The following ROBO2 variants were observed in gnomAD, a reference collection of about 807,000 sequenced individuals.
The protein encoded by ROBO2 is roundabout homolog 2.
In ROBO2, 53 loss-of-function variants were observed where a neutral mutation model predicts 160.8. That is an observed-to-expected ratio of 0.33 (90% confidence interval 0.26 to 0.41). The LOEUF (loss-of-function observed/expected upper bound fraction) is 0.41. ROBO2 is among the 10% of genes least tolerant of loss of function. ROBO2 has a pLI of 1.00. For synonymous variants in ROBO2, 664 were observed against 611.7 expected (o/e 1.09, Z -1.26); for missense variants, 1,577 against 1,722.4 (o/e 0.92, Z 1.49).
At chr3:77,093,126 GT>G (rs1356257781) in intron 1 of ROBO2, among the ~76,000 whole-genome samples, 1 of 151,984 alleles carries the variant, frequency 6.6e-6, no homozygotes, top group African/African-American at 2.4e-5. Flanking sequence ...GATGTGAGCA[GT>G]GCTTATCAAA....
intron 2 of ROBO2, among the ~76,000 whole-genome samples, chr3:76,610,699 G>A (rs993908486): frequency 7.3e-5 from 11 of 150,812 alleles, no homozygotes; most frequent in South Asian, 4.2e-4. Context: ...CAGTGAGCAG[G>A]AGCATGTCAC....
At chr3:77,126,596 G>A (rs573052779) in intron 2 of ROBO2, among the ~76,000 whole-genome samples, 18 of 151,658 alleles carry the variant, frequency 1.2e-4, no homozygotes, top group African/African-American at 4.1e-4. Flanking sequence ...TCATTTGTAC[G>A]TTGTCCAATA....
chr3:77,551,986 G>A (rs1370327551), intron 8 of ROBO2, among the ~76,000 whole-genome samples: 2 of 151,992 alleles, frequency 1.3e-5, no homozygotes, highest in Admixed American at 6.6e-5. Context: ...CAGGGACATT[G>A]AGTCGTTAAT....
chr3:77,086,178 A>AG (rs34997964), intron 1 of ROBO2, among the ~76,000 whole-genome samples: 1 of 152,054 alleles, frequency 6.6e-6, no homozygotes, highest in Non-Finnish European at 1.5e-5. Flanking sequence ...CATTGTTTTT[A>AG]GGGGGGTTAC....
At chr3:76,726,235 G>A (rs1321155969) in intron 2 of ROBO2, among the ~76,000 whole-genome samples, 2 of 152,046 alleles carry the variant, frequency 1.3e-5, no homozygotes, top group Non-Finnish European at 2.9e-5. Context: ...CATCTTTGAA[G>A]GCTGTCATAC....
At position 77,295,621 on chromosome 3, in the gene ROBO2, T is replaced by C. The variant is rs1285649134; in HGVS notation, c.389-181793T>C. On this transcript the variant is annotated intron_variant, in intron 2 of 25. Coordinates refer to ENST00000461745, the Ensembl canonical transcript of ROBO2. ...AGATCACCCCACACATAAAGTAAAA[T>C]TGACGGTTAAACGGGTAAGCTGAGG... 2.1e-4 allele frequency among the ~76,000 whole-genome samples: 18 copies of C among 87,116 alleles called. 1 individual carries two copies. The highest frequency in any genetic ancestry group is 6.2e-4 in the African/African-American group (17 of 27,528). The allele number at this position is 87,116 out of a possible 152,430, so 57.2% of individuals were successfully genotyped here. A position where few individuals can be genotyped will look rare whatever the true frequency, so the allele number is the denominator to read the frequency against.
intron 2 of ROBO2, among the ~76,000 whole-genome samples, chr3:77,444,854 T>C (rs2080304323): frequency 6.6e-6 from 1 of 152,218 alleles, no homozygotes. Context: ...AGTTAGGAGT[T>C]GTCAGCAGAC....
intron 2 of ROBO2, among the ~76,000 whole-genome samples, chr3:76,193,814 CT>C (rs1014822405): frequency 1.3e-5 from 2 of 151,978 alleles, no homozygotes; most frequent in African/African-American, 4.8e-5. Flanking sequence ...CATGTGACCT[CT>C]TTTTTTTCTT....
chr3:77,371,779 G>A (rs954686581), intron 2 of ROBO2, among the ~76,000 whole-genome samples: 7 of 152,152 alleles, frequency 4.6e-5, no homozygotes, highest in Admixed American at 4.6e-4. Flanking sequence ...GGGCCATTTG[G>A]GTCATGATTT....
rs142448714 is a variant in ROBO2, at chr3:76,554,320, A to G, written c.110-543694A>G. 6.9e-3 allele frequency among the ~76,000 whole-genome samples: 1,049 copies of G among 152,314 alleles called. 12 individuals carry two copies. The highest frequency in any genetic ancestry group is 0.011 in the Non-Finnish European group (725 of 68,014). ...GTCAGGGAGAACACTGTTAACAGTA[A>G]TTATCTCCAGGAGTAGATATGAGGA... On this transcript the variant is annotated intron_variant, in intron 2 of 26. Transcript: ENST00000487694.
In ROBO2 at chr3:76,273,679, AACTC is replaced by A. The variant is rs369722118; in HGVS notation, c.109+336084_109+336087del. Among the ~76,000 whole-genome samples, 10 of 152,214 alleles carry A rather than the reference AACTC, an allele frequency of 6.6e-5. No homozygotes were observed. The South Asian group carries it at 2.1e-3, about 32-fold the overall frequency. ...ATGAGAACTCACTCATCATCATGAGAACTCACTCACCATCATGAGAACTCACTCA... is the reference window on the plus strand; with the variant it reads ...ATGAGAACTCACTCATCATCATGAGAACTCACCATCATGAGAACTCACTCA... On this transcript the variant is annotated intron_variant, in intron 2 of 26. Coordinates refer to the ROBO2 transcript ENST00000487694.
intron 2 of ROBO2, among the ~76,000 whole-genome samples, chr3:77,379,104 C>T (rs542890978): frequency 7.2e-5 from 11 of 152,078 alleles, no homozygotes; most frequent in Admixed American, 2.6e-4. Flanking sequence ...CATGCCACCA[C>T]GCCCAGCTAA....
Position 76,816,362 on chromosome 3 carries a change from C to T in ROBO2, c.110-281652C>T, listed in dbSNP as rs372636528. Reference sequence around the variant, plus strand: ...GCGAATGTACATGACAAATTGTTAGCGCCATGCGGTATTCGATAGGAAGAG... The same window carrying T: ...GCGAATGTACATGACAAATTGTTAGTGCCATGCGGTATTCGATAGGAAGAG... On this transcript the variant is annotated intron_variant, in intron 2 of 26. Transcript: ENST00000487694. Among the ~76,000 whole-genome samples the T allele has an allele frequency of 3.1e-4, 47 of 152,052 alleles. No homozygotes were observed. In the East Asian group the frequency reaches 7.6e-3, roughly 24 times the overall value.
intron 6 of ROBO2, among the ~76,000 whole-genome samples, chr3:77,537,581 A>AT (rs2092205051): frequency 6.6e-6 from 1 of 152,032 alleles, no homozygotes; most frequent in African/African-American, 2.4e-5. Flanking sequence ...TTTCCTTTTC[A>AT]TTTTGACATT....
chr3:77,057,923 TG>T (rs1466746310), intron 1 of ROBO2, among the ~76,000 whole-genome samples: 1 of 152,058 alleles, frequency 6.6e-6, no homozygotes, highest in Non-Finnish European at 1.5e-5. Flanking sequence ...CAAACCACCA[TG>T]ACACATGTAT....
intron 2 of ROBO2, among the ~76,000 whole-genome samples, chr3:76,872,112 C>T (rs954942770): frequency 6.6e-6 from 1 of 151,914 alleles, no homozygotes; most frequent in Admixed American, 6.6e-5. Flanking sequence ...CAAAGATGAT[C>T]TCTCTTAAAT....
chr3:76,906,567 C>A (rs1398088190), intron 2 of ROBO2, among the ~76,000 whole-genome samples: 2 of 151,788 alleles, frequency 1.3e-5, no homozygotes, highest in Non-Finnish European at 2.9e-5. Flanking sequence ...ATTGCTAATT[C>A]ATTTGATCTG....
intron 2 of ROBO2, among the ~76,000 whole-genome samples, chr3:76,504,705 T>C (rs920367009): frequency 6.6e-6 from 1 of 151,894 alleles, no homozygotes; most frequent in Non-Finnish European, 1.5e-5. Flanking sequence ...TTTTTTTGTA[T>C]TTTTAGTAGA....
At chr3:76,320,194 C>G (rs534233550) in intron 2 of ROBO2, among the ~76,000 whole-genome samples, 41 of 152,138 alleles carry the variant, frequency 2.7e-4, no homozygotes, top group African/African-American at 9.6e-4. Flanking sequence ...AACAATAAAA[C>G]TTTATGTACC....
Sources: gnomAD v4.1 joint callset for allele counts (sites outside exome capture counted in the v4.1 genomes callset) on GRCh38, gnomAD v4.1.1 for gene constraint, MANE v1.5 for transcripts, NCBI Gene and HGNC (gene_info 2026-07-23, HGNC 2026-07-21) for gene names.